KCNA2: variants seen among roughly 807,000 people sequenced by gnomAD.
KCNA2 encodes potassium channel, voltage gated shaker related subfamily A, member 2.
A neutral mutation model predicts 33.4 loss-of-function variants in KCNA2; 11 were observed. The ratio of observed to expected loss-of-function variants is 0.33; its 90% confidence interval spans 0.21 to 0.55. KCNA2 has a LOEUF of 0.55. Ranked by LOEUF, KCNA2 falls within the 20% of genes least tolerant of loss-of-function variation. KCNA2 has a pLI of 0.93. For missense variants in KCNA2, 291 were observed against 621.6 expected (o/e 0.47, Z 5.66); for synonymous variants, 222 against 231.3 (o/e 0.96, Z 0.37).
At chr1:110,623,215 C>T (rs543562053) in intron 1 of KCNA2, among the ~76,000 whole-genome samples, 26 of 152,262 alleles carry the variant, frequency 1.7e-4, no homozygotes, top group African/African-American at 6.3e-4. Flanking sequence ...AGAAAGAAGT[C>T]TTTCAACAAA....
upstream of KCNA2, among the ~76,000 whole-genome samples, chr1:110,610,058 A>T (rs1649817681): frequency 6.6e-6 from 1 of 152,214 alleles, no homozygotes; most frequent in Non-Finnish European, 1.5e-5. Flanking sequence ...TTTTGGCCAC[A>T]CAATAGCAGC....
In KCNA2 at chr1:110,597,411, C is replaced by T; in HGVS notation, c.*5872G>A. On this transcript the variant is annotated 3_prime_UTR_variant, in exon 3 of 3. Transcript: ENST00000316361. ...AACAAAATGGGCTGAAAAGGTCACA[C>T]AAACTTAGGATTTTCATGCCTAGAG... 4.1e-6 allele frequency: 4 copies of T among 985,418 alleles called. No homozygotes were observed. The highest frequency in any genetic ancestry group is 3.6e-6 in the Non-Finnish European group (3 of 829,936). 61.0% of individuals were successfully genotyped at this position (985,418 alleles called of 1,614,324 possible).
chr1:110,598,550 G>A lies in KCNA2; in HGVS notation c.*4733C>T. On this transcript the variant is annotated 3_prime_UTR_variant, in exon 3 of 3. Coordinates refer to ENST00000316361, the MANE Select transcript of KCNA2 (RefSeq NM_004974.4). ...GATCCAGGAAGAATAGGTAGAACAA[G>A]CTAGTCCTGGGCCCTCCCAACACGG... 1 of 985,314 alleles carries A rather than the reference G, an allele frequency of 1.0e-6. No homozygotes were observed. The highest frequency in any genetic ancestry group is 1.2e-6 in the Non-Finnish European group (1 of 829,924). The allele number at this position is 985,314 out of a possible 1,614,324, so 61.0% of individuals were successfully genotyped here. A position where few individuals can be genotyped will look rare whatever the true frequency, so the allele number is the denominator to read the frequency against.
chr1:110,601,910 A>C lies in KCNA2; in HGVS notation c.*1373T>G. On this transcript the variant is annotated 3_prime_UTR_variant, in exon 3 of 3. Transcript: ENST00000316361. Reference sequence around the variant, plus strand: ...CACATGCATAAATTGCCCTTTGTCAAAAATATTGCATAAGCTTGTACAATG... The same window carrying C: ...CACATGCATAAATTGCCCTTTGTCACAAATATTGCATAAGCTTGTACAATG... 1 of 1,460,522 alleles carries C rather than the reference A, an allele frequency of 6.8e-7. No homozygotes were observed. The highest frequency in any genetic ancestry group is 1.4e-5 in the South Asian group (1 of 70,404). The allele number at this position is 1,460,522 out of a possible 1,614,324, so 90.5% of individuals were successfully genotyped here. A position where few individuals can be genotyped will look rare whatever the true frequency, so the allele number is the denominator to read the frequency against.
At position 110,593,984 on chromosome 1, in the gene KCNA2, T is replaced by TCCCCGCAA; in HGVS notation, c.*9291_*9298dup. On this transcript the variant is annotated 3_prime_UTR_variant, in exon 3 of 3. Coordinates refer to ENST00000316361, the MANE Select transcript of KCNA2 (RefSeq NM_004974.4). ...AATGACTCCCAACTCCCATGAGTCT[T>TCCCCGCAA]CCCCGCAAGTCCTGCTCCGCCTTCA... 6.5e-7 allele frequency: 1 copy of TCCCCGCAA among 1,547,922 alleles called. No individual in the cohort carries two copies. Among genetic ancestry groups the TCCCCGCAA allele is most frequent in the Non-Finnish European group, 8.7e-7 (1 of 1,145,818 alleles).
chr1:110,602,412 T>A lies in KCNA2; in HGVS notation c.*871A>T. Reference sequence around the variant, plus strand: ...TTCATGCAACAAACACCCATGCAGCTCTATTGCATCACTGGTAAATTTCAC... The same window carrying A: ...TTCATGCAACAAACACCCATGCAGCACTATTGCATCACTGGTAAATTTCAC... On this transcript the variant is annotated 3_prime_UTR_variant, in exon 3 of 3. Coordinates refer to ENST00000316361, the MANE Select transcript of KCNA2 (RefSeq NM_004974.4). The A allele has an allele frequency of 2.2e-6, 3 of 1,351,562 alleles. No homozygotes were observed. Among genetic ancestry groups the A allele is most frequent in the Non-Finnish European group, 2.8e-6 (3 of 1,053,802 alleles). 83.7% of individuals were successfully genotyped at this position (1,351,562 alleles called of 1,614,324 possible). A position where few individuals can be genotyped will look rare whatever the true frequency, so the allele number is the denominator to read the frequency against.
chr1:110,611,932 G>A (rs753992235), intron 1 of KCNA2, among the ~76,000 whole-genome samples: 28 of 152,178 alleles, frequency 1.8e-4, no homozygotes, highest in African/African-American at 2.9e-4. Flanking sequence ...TTAGGTAGGC[G>A]GATCAGCTGA....
At chr1:110,621,531 C>G (rs1370915624) in intron 1 of KCNA2, among the ~76,000 whole-genome samples, 1 of 151,858 alleles carries the variant, frequency 6.6e-6, no homozygotes, top group East Asian at 1.9e-4. Flanking sequence ...AAACAGAGAA[C>G]AATAGATAAA....
upstream of KCNA2, among the ~76,000 whole-genome samples, chr1:110,608,285 G>GACGACAGCCTCAA (rs1265404272): frequency 6.6e-6 from 1 of 152,232 alleles, no homozygotes; most frequent in African/African-American, 2.4e-5. Flanking sequence ...TTGGGAGGCA[G>GACGACAGCCTCAA]ACGACAGCCT....
At position 110,594,518 on chromosome 1, in the gene KCNA2, T is replaced by C. The variant is rs1649013054; in HGVS notation, c.*8765A>G. 1 of 985,292 alleles carries C rather than the reference T, an allele frequency of 1.0e-6. No individual in the cohort carries two copies. The highest frequency in any genetic ancestry group is 1.7e-5 in the African/African-American group (1 of 57,216). The allele number at this position is 985,292 out of a possible 1,614,324, so 61.0% of individuals were successfully genotyped here. On this transcript the variant is annotated 3_prime_UTR_variant, in exon 3 of 3. Transcript: ENST00000316361. The stretch of plus-strand genomic sequence containing the variant: ...CCATTAATCGCAACTGTTCCAAGAT[T>C]ATCCTTAGTGGAGAGAGGGGTGCAG...
chr1:110,627,180 A>G (rs1183235464), intron 1 of KCNA2, among the ~76,000 whole-genome samples: 2 of 152,210 alleles, frequency 1.3e-5, no homozygotes, highest in East Asian at 3.8e-4. Flanking sequence ...TAGACTCCCA[A>G]CTCAGCTCCT....
In KCNA2 at chr1:110,597,398, T is replaced by G. The variant is rs61113579; in HGVS notation, c.*5885A>C. On this transcript the variant is annotated 3_prime_UTR_variant, in exon 3 of 3. Coordinates refer to ENST00000316361, the MANE Select transcript of KCNA2 (RefSeq NM_004974.4). ...CTGAGGGAAAGTCAACAAAATGGGC[T>G]GAAAAGGTCACACAAACTTAGGATT... is the stretch of plus-strand genomic sequence containing the variant. 1,029 of 985,418 alleles carry G rather than the reference T, an allele frequency of 1.0e-3. 10 individuals are homozygous for G. In the African/African-American group the frequency reaches 0.017, roughly 16 times the overall value. 61.0% of individuals were successfully genotyped at this position (985,418 alleles called of 1,614,324 possible). A position where few individuals can be genotyped will look rare whatever the true frequency, so the allele number is the denominator to read the frequency against.
chr1:110,601,831 T>G lies in KCNA2; in HGVS notation c.*1452A>C. ...GTGTGTGTGTGTGTGTGTGTGTGTA[T>G]ACATATACACACATATGTATGTATA... On this transcript the variant is annotated 3_prime_UTR_variant, in exon 3 of 3. Transcript: ENST00000316361. 7.4e-7 allele frequency: 1 copy of G among 1,346,236 alleles called. No homozygotes were observed. The highest frequency in any genetic ancestry group is 9.5e-7 in the Non-Finnish European group (1 of 1,049,452). The allele number at this position is 1,346,236 out of a possible 1,614,324, so 83.4% of individuals were successfully genotyped here.
At chr1:110,613,165 C>T (rs56330834) in intron 1 of KCNA2, among the ~76,000 whole-genome samples, 20,624 of 152,210 alleles carry the variant, frequency 0.14, 2,022 homozygotes, top group East Asian at 0.41. Flanking sequence ...TACCTTCCTC[C>T]TTCCCTGTCA....
chr1:110,616,192 A>G (rs565552960), intron 1 of KCNA2, among the ~76,000 whole-genome samples: 1 of 152,278 alleles, frequency 6.6e-6, no homozygotes, highest in South Asian at 2.1e-4. Context: ...GGACTCTGTA[A>G]CCTGCAGATC....
chr1:110,595,353 G>T lies in KCNA2; in HGVS notation c.*7930C>A. 2.0e-6 allele frequency: 2 copies of T among 985,448 alleles called. No homozygotes were observed. The highest frequency in any genetic ancestry group is 2.4e-6 in the Non-Finnish European group (2 of 829,952). 61.0% of individuals were successfully genotyped at this position (985,448 alleles called of 1,614,324 possible). On this transcript the variant is annotated 3_prime_UTR_variant, in exon 3 of 3. Coordinates refer to ENST00000316361, the MANE Select transcript of KCNA2 (RefSeq NM_004974.4). ...ATGAAGTACAAGAAGTAGCCATCCA[G>T]ACAGGCCACCTCAACTGCCTCAGTG...
At chr1:110,630,026 T>G (rs915638026) in intron 1 of KCNA2, among the ~76,000 whole-genome samples, 1 of 85,144 alleles carries the variant, frequency 1.2e-5, no homozygotes, top group Non-Finnish European at 3.2e-5. Flanking sequence ...TTTTTTTTTT[T>G]TTTTTTGAGA....
rs1261793367 is a variant in KCNA2 at position 110,620,081 on chromosome 1, AGAGAGAGT to A, written c.-496+11306_-496+11313del. Among the ~76,000 whole-genome samples, 425 of 145,210 alleles carry A rather than the reference AGAGAGAGT, an allele frequency of 2.9e-3. 4 individuals are homozygous for A. The highest frequency in any genetic ancestry group is 0.011 in the African/African-American group (401 of 37,518). On this transcript the variant is annotated intron_variant, in intron 1 of 4. Coordinates refer to the KCNA2 transcript ENST00000369770. ...GAGAGAGAGAGAGAGAGAGAGAGAG[AGAGAGAGT>A]GAGTGAGAGAGAGAGAGAGAAATTT...
At position 110,594,035 on chromosome 1, in the gene KCNA2, T is replaced by C. The variant is rs1648979967; in HGVS notation, c.*9248A>G. On this transcript the variant is annotated 3_prime_UTR_variant, in exon 3 of 3. Transcript: ENST00000316361. ...GCTCTCATTGGTCCCCAGCCTCTTA[T>C]CACCATGGAGACCCCAGTTCCCTTT... 1 of 1,526,682 alleles carries C rather than the reference T, an allele frequency of 6.6e-7. No individual in the cohort carries two copies. Among genetic ancestry groups the C allele is most frequent in the Non-Finnish European group, 8.8e-7 (1 of 1,137,304 alleles). The allele number at this position is 1,526,682 out of a possible 1,614,324, so 94.6% of individuals were successfully genotyped here. A position where few individuals can be genotyped will look rare whatever the true frequency, so the allele number is the denominator to read the frequency against.
Sources: gnomAD v4.1 joint callset for allele counts (sites outside exome capture counted in the v4.1 genomes callset) on GRCh38, gnomAD v4.1.1 for gene constraint, MANE v1.5 for transcripts, NCBI Gene and HGNC (gene_info 2026-07-23, HGNC 2026-07-21) for gene names.